Variants in KLHDC4 observed in about 807,000 individuals in gnomAD.
KLHDC4 encodes kelch domain containing 4, also known as kelch domain-containing protein 4.
A neutral mutation model predicts 62.4 loss-of-function variants in KLHDC4; 90 were observed. The observed-to-expected ratio is 1.44, with a 90% CI of 1.22 to 1.72. KLHDC4 has a LOEUF of 1.72. KLHDC4 is among the 40% of genes most tolerant of loss of function. The pLI is 0.00. For synonymous variants in KLHDC4, 386 were observed against 284.4 expected, an observed-to-expected ratio of 1.36 and a Z score of -3.59; for missense variants, 1,025 against 699.7, an observed-to-expected ratio of 1.47 and a Z score of -5.25.
intron 3 of KLHDC4, 110 bp from the exon 4 acceptor site, chr16:87,755,402 T>G: frequency 1.6e-6 from 1 of 637,946 alleles, no homozygotes; most frequent in Non-Finnish European, 2.8e-6. Context: ...GCTAAAGGAA[T>G]GTAAACCATA....
intron 4 of KLHDC4, 54 bp from the exon 5 acceptor site, chr16:87,748,863 T>C: frequency 6.2e-7 from 1 of 1,604,530 alleles, no homozygotes; most frequent in Non-Finnish European, 8.5e-7. Flanking sequence ...GAAGGGCCAG[T>C]GTCATGGGTG....
At chr16:87,704,592 G>A (rs1301597187), downstream of KLHDC4, among the ~76,000 whole-genome samples, 1 of 148,118 alleles carries the variant, frequency 6.8e-6, no homozygotes, top group Admixed American at 6.7e-5. Flanking sequence ...GAACGTCACG[G>A]AGAAGGAGGC....
chr16:87,734,014 G>A (rs970794755), intron 5 of KLHDC4, among the ~76,000 whole-genome samples: 1 of 152,124 alleles, frequency 6.6e-6, no homozygotes, highest in Non-Finnish European at 1.5e-5. Context: ...CACTTACAGG[G>A]TTTTATGTAA....
At chr16:87,753,359 G>A (rs1020295196) in intron 4 of KLHDC4, among the ~76,000 whole-genome samples, 2 of 152,216 alleles carry the variant, frequency 1.3e-5, no homozygotes, top group African/African-American at 4.8e-5. Context: ...AGATGTCACT[G>A]ACCACACAGG....
chr16:87,720,494 C>T (rs1043035877), intron 7 of KLHDC4, among the ~76,000 whole-genome samples: 5 of 152,214 alleles, frequency 3.3e-5, no homozygotes, highest in African/African-American at 9.6e-5. Context: ...CCGCACGCAC[C>T]GTGCCCTCCT....
intron 4 of KLHDC4, among the ~76,000 whole-genome samples, chr16:87,753,257 A>G (rs180773200): frequency 6.6e-6 from 1 of 152,366 alleles, no homozygotes; most frequent in South Asian, 2.1e-4. Flanking sequence ...AGGAACCACC[A>G]CTGTGAAGAC....
chr16:87,700,852 T>C, exon 1 of KLHDC4: 1 of 154,968 alleles, frequency 6.5e-6, no homozygotes, highest in Non-Finnish European at 1.2e-5. Flanking sequence ...AGGGAGGAGG[T>C]TGGAGGGTGG....
At chr16:87,714,460 A>G (rs1159476786) in intron 8 of KLHDC4, 38 bp downstream of exon 8, 4 of 1,609,406 alleles carry the variant, frequency 2.5e-6, no homozygotes, top group Non-Finnish European at 1.7e-6. Flanking sequence ...CCACACACAG[A>G]CCAGCCAGCT....
At chr16:87,710,140 C>T (rs547746367) in intron 9 of KLHDC4, 76 of 161,194 alleles carry the variant, frequency 4.7e-4, no homozygotes, top group African/African-American at 1.7e-3. Context: ...CTACAAACGG[C>T]GAGCCAGAGA....
rs1173510873 is a variant in KLHDC4, at chr16:87,709,206, C to T, written c.1447+59G>A. 47 of 1,552,794 alleles carry T rather than the reference C, an allele frequency of 3.0e-5. No homozygotes were observed. In the South Asian group the frequency reaches 3.9e-4, roughly 13 times the overall value. On this transcript the variant is annotated intron_variant, in intron 10 of 11. Coordinates refer to ENST00000270583, the MANE Select transcript of KLHDC4 (RefSeq NM_017566.4). ...TTGCAGGGCTTGCTTTCGAGGGACG[C>T]GACACACGACCGTGGGCTCTCGCTC...
downstream of KLHDC4, among the ~76,000 whole-genome samples, chr16:87,706,513 G>C (rs1292919652): frequency 6.6e-6 from 1 of 152,190 alleles, no homozygotes; most frequent in African/African-American, 2.4e-5. Context: ...ACTCCTGTCA[G>C]CACTGCCACC....
In KLHDC4 at chr16:87,764,712, C is replaced by T. The variant is rs1430276495; in HGVS notation, c.99+1080G>A. ...CTAACAGCTGGTTACTGAGTGCTTA[C>T]TTTCTGCCAAGCACCATTCTGAAGA... On this transcript the variant is annotated intron_variant, in intron 1 of 11. Coordinates refer to ENST00000270583, the MANE Select transcript of KLHDC4 (RefSeq NM_017566.4). Among the ~76,000 whole-genome samples the T allele has an allele frequency of 3.7e-5, 5 of 134,486 alleles. No individual in the cohort carries two copies. The East Asian group carries it at 1.3e-3, about 35-fold the overall frequency. The allele number at this position is 134,486 out of a possible 152,430, so 88.2% of individuals were successfully genotyped here.
intron 5 of KLHDC4, among the ~76,000 whole-genome samples, chr16:87,735,763 C>CTA (rs1567748194): frequency 6.6e-6 from 1 of 152,224 alleles, no homozygotes; most frequent in Non-Finnish European, 1.5e-5. Context: ...AGCCAGAGGC[C>CTA]TATGGACAGC....
At chr16:87,716,579 G>A (rs868846737) in intron 7 of KLHDC4, among the ~76,000 whole-genome samples, 36 of 152,090 alleles carry the variant, frequency 2.4e-4, no homozygotes, top group African/African-American at 8.5e-4. Context: ...TCGGCCCTAC[G>A]ATTCGCCATT....
intron 7 of KLHDC4, among the ~76,000 whole-genome samples, chr16:87,724,877 T>G (rs1451558566): frequency 6.6e-6 from 1 of 152,108 alleles, no homozygotes; most frequent in Non-Finnish European, 1.5e-5. Context: ...CTCAAAAGAT[T>G]ATTATGGACG....
At chr16:87,701,826 C>A in exon 1 of KLHDC4, 1 of 456,730 alleles carries the variant, frequency 2.2e-6, no homozygotes, top group Non-Finnish European at 4.4e-6. Context: ...TCCAGCTGCA[C>A]CACCACTGCT....
downstream of KLHDC4, among the ~76,000 whole-genome samples, chr16:87,704,793 T>C (rs529665798): frequency 8.3e-4 from 126 of 152,122 alleles, 1 homozygote; most frequent in Non-Finnish European, 1.6e-3. Flanking sequence ...CTGGCAAGAA[T>C]TTCTAAGCTC....
rs1371571712 is a variant in KLHDC4, at chr16:87,715,440, T to G, written c.760-867A>C. Among the ~76,000 whole-genome samples the G allele has an allele frequency of 3.9e-5, 6 of 152,186 alleles. No individual in the cohort carries two copies. The East Asian group carries it at 1.2e-3, about 29-fold the overall frequency. On this transcript the variant is annotated intron_variant, in intron 7 of 11. Coordinates refer to ENST00000270583, the MANE Select transcript of KLHDC4 (RefSeq NM_017566.4). ...CGTTACCGGGAGCGTGGCCCACACT[T>G]CATTCACTGCCCCAGTGCTCCGCAG... is the stretch of plus-strand genomic sequence containing the variant.
At chr16:87,714,329 G>C (rs1344764933) in intron 8 of KLHDC4, 169 bp downstream of exon 8, 1 of 173,638 alleles carries the variant, frequency 5.8e-6, no homozygotes, top group Non-Finnish European at 1.1e-5. Context: ...CAGGGCTATG[G>C]AGCCTGTCCC....
Sources: allele counts gnomAD v4.1 joint callset (sites outside exome capture counted in the v4.1 genomes callset), GRCh38; gene constraint gnomAD v4.1.1; transcripts MANE v1.5; gene names NCBI Gene and HGNC (gene_info 2026-07-23, HGNC 2026-07-21).